GAD1: variants seen among roughly 807,000 people sequenced by gnomAD.
GAD1 encodes the protein glutamate decarboxylase 1.
GAD1 carries 35 observed loss-of-function variants against 75.2 expected under a neutral mutation model. The ratio of observed to expected loss-of-function variants is 0.47; its 90% confidence interval spans 0.36 to 0.62. GAD1 has a LOEUF of 0.62. GAD1 is among the 20% of genes least tolerant of loss of function. The probability of loss-of-function intolerance (pLI) is 0.00; values close to 1 mark genes in which losing one functional copy is unlikely to be tolerated. For missense variants in GAD1, 490 were observed against 758.5 expected, an observed-to-expected ratio of 0.65 and a Z score of 4.16; for synonymous variants, 257 against 271.9, an observed-to-expected ratio of 0.95 and a Z score of 0.54.
chr2:170,849,750 A>G (rs982972144), intron 12 of GAD1, among the ~76,000 whole-genome samples: 3 of 152,258 alleles, frequency 2.0e-5, no homozygotes, highest in African/African-American at 7.2e-5. Flanking sequence ...ACACAATGTG[A>G]TAAGTGTAAC....
chr2:170,820,325 G>T (rs1701837957), intron 2 of GAD1, among the ~76,000 whole-genome samples: 3 of 152,220 alleles, frequency 2.0e-5, no homozygotes, highest in Admixed American at 2.0e-4. Context: ...CACGTGGCCT[G>T]GTTCGCCTGG....
In GAD1 at chr2:170,859,968, A is replaced by G. The variant is rs556368553; in HGVS notation, c.*86A>G. 3.3e-6 allele frequency: 4 copies of G among 1,213,248 alleles called. No homozygotes were observed. In the South Asian group the frequency reaches 3.9e-5, roughly 12 times the overall value. The allele number at this position is 1,213,248 out of a possible 1,614,324, so 75.2% of individuals were successfully genotyped here. ...ACCTCTATATGTTGCTGAAACACACAGGCCATTTCATTGAGGGAAAACATA... is the reference window on the plus strand; with the variant it reads ...ACCTCTATATGTTGCTGAAACACACGGGCCATTTCATTGAGGGAAAACATA... On this transcript the variant is annotated 3_prime_UTR_variant, in exon 17 of 17. Transcript: ENST00000358196.
intron 2 of GAD1, among the ~76,000 whole-genome samples, chr2:170,820,374 C>CT (rs1701839879): frequency 6.6e-6 from 1 of 152,244 alleles, no homozygotes. Flanking sequence ...CGGGACCCTG[C>CT]TGTAAAACAG....
chr2:170,832,977 A>G (rs528487288), intron 5 of GAD1, among the ~76,000 whole-genome samples: 22 of 152,306 alleles, frequency 1.4e-4, no homozygotes, highest in African/African-American at 5.3e-4. Flanking sequence ...CTCTCTCCAC[A>G]CTACAGTCTG....
intron 3 of GAD1, 38 bp downstream of exon 3, chr2:170,822,187 G>C: frequency 6.3e-7 from 1 of 1,576,204 alleles, no homozygotes; most frequent in Non-Finnish European, 8.7e-7. Flanking sequence ...GCTGGGTGGC[G>C]CGGCGGGCGG....
At chr2:170,848,730 T>C (rs1328704432) in intron 11 of GAD1, 1 of 518,988 alleles carries the variant, frequency 1.9e-6, no homozygotes, top group East Asian at 5.5e-5. Context: ...GCCTTGCTAC[T>C]GAACTAATGA....
At chr2:170,830,266 CACAACTGCACAGCCTGCCTGT>C (rs552355419) in intron 4 of GAD1, among the ~76,000 whole-genome samples, 95 of 152,362 alleles carry the variant, frequency 6.2e-4, no homozygotes, top group African/African-American at 2.0e-3. Flanking sequence ...GAGTATCGTG[CACAACTGCACAGCCTGCCTGT>C]GAGCTACAGA....
chr2:170,844,723 T>C (rs1185084928), intron 7 of GAD1, among the ~76,000 whole-genome samples: 1 of 152,220 alleles, frequency 6.6e-6, no homozygotes, highest in African/African-American at 2.4e-5. Context: ...TTTGAATCTC[T>C]AGTTTGAAGT....
chr2:170,836,905 A>G, intron 6 of GAD1, 22 bp downstream of exon 6: 1 of 1,540,982 alleles, frequency 6.5e-7, no homozygotes, highest in Non-Finnish European at 9.0e-7. Flanking sequence ...ATGTTTTCAT[A>G]TAAGCAACCC....
At chr2:170,842,066 C>G (rs998204629) in intron 6 of GAD1, among the ~76,000 whole-genome samples, 5 of 152,196 alleles carry the variant, frequency 3.3e-5, no homozygotes, top group East Asian at 1.9e-4. Flanking sequence ...CAGTTAAGCT[C>G]ATGATAAACT....
chr2:170,839,177 G>A (rs1002203820), intron 6 of GAD1, among the ~76,000 whole-genome samples: 1 of 152,164 alleles, frequency 6.6e-6, no homozygotes, highest in Non-Finnish European at 1.5e-5. Flanking sequence ...GATAATGCCT[G>A]GTTTTTGGTC....
At chr2:170,824,929 C>CATGTGTGT (rs111270317) in intron 3 of GAD1, among the ~76,000 whole-genome samples, 2 of 149,894 alleles carry the variant, frequency 1.3e-5, no homozygotes, top group East Asian at 2.0e-4. Context: ...AGCCTACACT[C>CATGTGTGT]GTGTGTGTGT....
chr2:170,843,982 T>A, intron 6 of GAD1, 63 bp from the exon 7 acceptor site: 2 of 887,540 alleles, frequency 2.3e-6, no homozygotes, highest in Non-Finnish European at 3.8e-6. Flanking sequence ...ATCCTCTGTG[T>A]TCCTAAAATA....
At chr2:170,851,164 A>T (rs965632966) in intron 12 of GAD1, among the ~76,000 whole-genome samples, 1 of 152,210 alleles carries the variant, frequency 6.6e-6, no homozygotes, top group Non-Finnish European at 1.5e-5. Flanking sequence ...TAAATCACAT[A>T]AGTCTTCTAA....
intron 5 of GAD1, among the ~76,000 whole-genome samples, chr2:170,832,691 C>CACACACACAT (rs1559275955): frequency 6.8e-6 from 1 of 147,228 alleles, no homozygotes. Context: ...CACACACACA[C>CACACACACAT]ACACATACAC....
chr2:170,857,534 C>G (rs2105814117), intron 15 of GAD1, among the ~76,000 whole-genome samples: 1 of 152,196 alleles, frequency 6.6e-6, no homozygotes, highest in South Asian at 2.1e-4. Flanking sequence ...TTGCTTGAGT[C>G]CAGGAGCTCA....
chr2:170,850,298 G>C (rs1702721280), intron 12 of GAD1, among the ~76,000 whole-genome samples: 1 of 152,238 alleles, frequency 6.6e-6, no homozygotes, highest in Non-Finnish European at 1.5e-5. Context: ...ACAGGGTTAG[G>C]TAGCAGTGAG....
chr2:170,842,722 C>A, intron 6 of GAD1: 1 of 1,593,292 alleles, frequency 6.3e-7, no homozygotes. Flanking sequence ...GGAAAATGGA[C>A]ATATTCTTTT....
At chr2:170,834,262 A>G (rs1317518711) in intron 5 of GAD1, among the ~76,000 whole-genome samples, 1 of 152,232 alleles carries the variant, frequency 6.6e-6, no homozygotes, top group Non-Finnish European at 1.5e-5. Context: ...GAATTTAAGC[A>G]TAGATAAGGA....
Sources: allele counts gnomAD v4.1 joint callset (sites outside exome capture counted in the v4.1 genomes callset), GRCh38; gene constraint gnomAD v4.1.1; transcripts MANE v1.5; gene names NCBI Gene and HGNC (gene_info 2026-07-23, HGNC 2026-07-21).